The following TSHZ1 variants were observed in gnomAD, a reference collection of about 807,000 sequenced individuals.
TSHZ1 encodes teashirt homolog 1.
Under a neutral mutation model 67.1 loss-of-function variants are expected in TSHZ1, and 12 were observed. The ratio of observed to expected loss-of-function variants is 0.18; its 90% CI spans 0.11 to 0.29. The LOEUF is 0.29. Among genes scored for constraint, TSHZ1 ranks in the 10% least tolerant of loss-of-function variants. The pLI, the probability that TSHZ1 is intolerant of heterozygous loss-of-function variation, is 1.00. For missense variants in TSHZ1, 1,305 were observed against 1,413.9 expected (o/e 0.92, Z 1.23); for synonymous variants, 632 against 622.4 (o/e 1.02, Z -0.23).
At chr18:75,261,530 A>AG (rs1169110481) in intron 1 of TSHZ1, among the ~76,000 whole-genome samples, 1 of 152,232 alleles carries the variant, frequency 6.6e-6, no homozygotes, top group Admixed American at 6.5e-5. Context: ...ACAGAGCAAG[A>AG]GGGTGGCCAT....
At chr18:75,248,995 G>T (rs2023259252) in intron 1 of TSHZ1, among the ~76,000 whole-genome samples, 1 of 152,196 alleles carries the variant, frequency 6.6e-6, no homozygotes, top group Admixed American at 6.5e-5. Flanking sequence ...CTAACGCGGG[G>T]CCTGAGCCGG....
chr18:75,218,342 C>G (rs1417896803), intron 1 of TSHZ1, among the ~76,000 whole-genome samples: 1 of 152,186 alleles, frequency 6.6e-6, no homozygotes, highest in African/African-American at 2.4e-5. Flanking sequence ...TTACCCTTGT[C>G]ACTTTGTTAG....
chr18:75,276,306 A>C (rs377691538), intron 1 of TSHZ1, among the ~76,000 whole-genome samples: 1 of 138,048 alleles, frequency 7.2e-6, no homozygotes, highest in African/African-American at 2.7e-5. Flanking sequence ...TTTTTTTTCT[A>C]TCATGTCAGA....
intron 1 of TSHZ1, chr18:75,283,324 T>TCC (rs1476146971): frequency 6.6e-6 from 1 of 152,288 alleles, no homozygotes; most frequent in Non-Finnish European, 1.5e-5. Context: ...GGTCCCTGGG[T>TCC]CCTAGCAGTG....
intron 1 of TSHZ1, among the ~76,000 whole-genome samples, chr18:75,233,042 G>T (rs2023020420): frequency 6.6e-6 from 1 of 152,186 alleles, no homozygotes; most frequent in African/African-American, 2.4e-5. Context: ...CTGTAGGGCT[G>T]GTAGCCTGCC....
chr18:75,267,592 G>T (rs538836978), intron 1 of TSHZ1, among the ~76,000 whole-genome samples: 1 of 152,220 alleles, frequency 6.6e-6, no homozygotes, highest in African/African-American at 2.4e-5. Context: ...AAGGAGTTCA[G>T]TTCTTTCCTA....
chr18:75,231,182 C>G (rs982786138), intron 1 of TSHZ1, among the ~76,000 whole-genome samples: 7 of 152,236 alleles, frequency 4.6e-5, no homozygotes, highest in Admixed American at 4.6e-4. Flanking sequence ...GGCCCCAAGC[C>G]TGGCACAGAG....
chr18:75,287,435 GAAT>G lies in TSHZ1; in HGVS notation c.2031_2033del (p.Asn677del), dbSNP rs1568371229. 1 of 1,614,174 alleles carries G rather than the reference GAAT, an allele frequency of 6.2e-7. No individual in the cohort carries two copies. Among genetic ancestry groups the G allele is most frequent in the South Asian group, 1.1e-5 (1 of 91,082 alleles). On this transcript the variant is annotated inframe_deletion, in exon 2 of 2. Coordinates refer to ENST00000580243, the MANE Select transcript of TSHZ1 (RefSeq NM_001308210.2). This position sits in a 1 kb window ranked among gnomAD's most constrained non-coding sequence, Gnocchi z 5.0. ...AGGCTGCGTCCCCCATAGCAAAAGA[GAAT>G]AAAGATTTCCCGAAAACGGAGGAAG... is the stretch of plus-strand genomic sequence containing the variant.
At chr18:75,234,597 T>TC (rs33931060) in intron 1 of TSHZ1, among the ~76,000 whole-genome samples, 71 of 151,910 alleles carry the variant, frequency 4.7e-4, no homozygotes, top group Admixed American at 7.9e-4. Context: ...GGTTTTTTTT[T>TC]CCCCCCATTA....
rs561261039 is a variant in TSHZ1, at chr18:75,260,074, C to G, written c.41-25374C>G. Among the ~76,000 whole-genome samples the G allele has an allele frequency of 1.9e-3, 286 of 152,328 alleles. 2 individuals are homozygous for G. Among genetic ancestry groups the G allele is most frequent in the African/African-American group, 6.8e-3 (282 of 41,568 alleles). On this transcript the variant is annotated intron_variant, in intron 1 of 1. Coordinates refer to ENST00000580243, the MANE Select transcript of TSHZ1 (RefSeq NM_001308210.2). Reference sequence around the variant, plus strand: ...GCTATCGGCCCATGATTCAGCCGTTCTTTTCCTAACCTTGTGAATTAGTAA... The same window carrying G: ...GCTATCGGCCCATGATTCAGCCGTTGTTTTCCTAACCTTGTGAATTAGTAA...
Position 75,261,573 on chromosome 18 carries a change from A to AT in TSHZ1, c.41-23874dup, listed in dbSNP as rs372090582. ...AGCAGGGGCTGCTGCCCAGATTGAC[A>AT]TGTGCACAGCCTGTGAGTTCGGTGT... On this transcript the variant is annotated intron_variant, in intron 1 of 1. Coordinates refer to ENST00000580243, the MANE Select transcript of TSHZ1 (RefSeq NM_001308210.2). Among the ~76,000 whole-genome samples, 485 of 152,312 alleles carry AT rather than the reference A, an allele frequency of 3.2e-3. 4 individuals are homozygous for AT. The highest frequency in any genetic ancestry group is 0.011 in the African/African-American group (452 of 41,568).
In TSHZ1 at chr18:75,250,827, C is replaced by T. The variant is rs374414582; in HGVS notation, c.41-34621C>T. Among the ~76,000 whole-genome samples, 31 of 152,272 alleles carry T rather than the reference C, an allele frequency of 2.0e-4. No homozygotes were observed. In the East Asian group the frequency reaches 4.3e-3, roughly 21 times the overall value. On this transcript the variant is annotated intron_variant, in intron 1 of 1. Transcript: ENST00000580243. ...CACAGACGAGGGTCCAGGATGGATTCGATTCCTTCGGTGCCTGTGGGAGGG... is the reference window on the plus strand; with the variant it reads ...CACAGACGAGGGTCCAGGATGGATTTGATTCCTTCGGTGCCTGTGGGAGGG...
intron 1 of TSHZ1, among the ~76,000 whole-genome samples, chr18:75,247,191 C>T (rs999110811): frequency 4.6e-5 from 7 of 152,318 alleles, no homozygotes; most frequent in African/African-American, 1.7e-4. Context: ...ACCGACCGTA[C>T]ACCTTCACCA....
intron 1 of TSHZ1, among the ~76,000 whole-genome samples, chr18:75,226,400 A>G (rs895373675): frequency 1.3e-5 from 2 of 152,244 alleles, no homozygotes; most frequent in Non-Finnish European, 2.9e-5. Context: ...GCACTGTCTT[A>G]TCTGTTTGTA....
chr18:75,271,090 C>T (rs771250189), intron 1 of TSHZ1, among the ~76,000 whole-genome samples: 1 of 152,174 alleles, frequency 6.6e-6, no homozygotes, highest in Non-Finnish European at 1.5e-5. Context: ...ATTGTGTTAC[C>T]CAAACCTTGT....
chr18:75,255,280 A>G (rs2023349635), intron 1 of TSHZ1, among the ~76,000 whole-genome samples: 1 of 152,020 alleles, frequency 6.6e-6, no homozygotes, highest in Non-Finnish European at 1.5e-5. Flanking sequence ...GTTCACCTCT[A>G]GTTTTTCATT....
rs11872598 is a variant in TSHZ1, at chr18:75,239,565, A to G, written c.40+27649A>G. On this transcript the variant is annotated intron_variant, in intron 1 of 1. Transcript: ENST00000580243. ...GTCCAGGCTGGAATGCAGCGGCACA[A>G]TCATCGCTCACTGCAGCCTTGAACT... Among the ~76,000 whole-genome samples the G allele has an allele frequency of 3.5e-3, 533 of 152,300 alleles. 2 individuals are homozygous for G. Among genetic ancestry groups the G allele is most frequent in the Middle Eastern group, 0.027 (8 of 294 alleles).
intron 1 of TSHZ1, among the ~76,000 whole-genome samples, chr18:75,280,370 T>G (rs2023669706): frequency 6.6e-6 from 1 of 152,266 alleles, no homozygotes; most frequent in Admixed American, 6.5e-5. Context: ...CCCTTTACTC[T>G]TTTTCTTTGA....
chr18:75,285,213 G>C, intron 1 of TSHZ1: 1 of 359,926 alleles, frequency 2.8e-6, no homozygotes, highest in African/African-American at 2.1e-5. Flanking sequence ...TCTTTGGGAC[G>C]AGCACAGGAC....
Sources: allele counts gnomAD v4.1 joint callset (sites outside exome capture counted in the v4.1 genomes callset), GRCh38; gene constraint gnomAD v4.1.1; non-coding constraint Gnocchi (gnomAD v3.1); transcripts MANE v1.5; gene names NCBI Gene and HGNC (gene_info 2026-07-23, HGNC 2026-07-21).